CDH13: variants seen among roughly 807,000 people sequenced by gnomAD.
The protein encoded by CDH13 is cadherin 13.
In CDH13, 24 loss-of-function variants were observed where a neutral mutation model predicts 63.8. The ratio of observed to expected loss-of-function variants is 0.38; its 90% CI spans 0.27 to 0.53. The LOEUF (loss-of-function observed/expected upper bound fraction) is 0.53, where lower values mean the gene tolerates loss of function less well. Among genes scored for constraint, CDH13 ranks in the 20% least tolerant of loss-of-function variants. CDH13 has a pLI of 0.85. For synonymous variants in CDH13, 503 were observed against 355.3 expected (o/e 1.42, Z -4.67); for missense variants, 1,049 against 903.1 (o/e 1.16, Z -2.07).
intron 7 of CDH13, among the ~76,000 whole-genome samples, chr16:83,546,632 A>C (rs1249465040): frequency 6.6e-5 from 10 of 152,034 alleles, no homozygotes; most frequent in African/African-American, 2.4e-4. Context: ...TCTTTACTCA[A>C]ATTCACCTCC....
In CDH13 at chr16:83,583,291, A is replaced by G. The variant is rs546710103; in HGVS notation, c.961-19163A>G. Among the ~76,000 whole-genome samples the G allele has an allele frequency of 2.0e-5, 3 of 152,238 alleles. No individual in the cohort carries two copies. The East Asian group carries it at 5.8e-4, about 29-fold the overall frequency. ...GCAGAGACCCATTTTTCCAAATAAG[A>G]TCACATTCGCAGGTACTGGGGGTTA... On this transcript the variant is annotated intron_variant, in intron 7 of 13. Transcript: ENST00000567109.
rs1162311581 is a variant in CDH13, at chr16:83,346,971, T to G, written c.781+1965T>G. Among the ~76,000 whole-genome samples the G allele has an allele frequency of 3.3e-5, 5 of 152,342 alleles. No homozygotes were observed. In the East Asian group the frequency reaches 9.7e-4, roughly 29 times the overall value. On this transcript the variant is annotated intron_variant, in intron 6 of 13. Coordinates refer to ENST00000567109, the MANE Select transcript of CDH13 (RefSeq NM_001257.5). Reference sequence around the variant, plus strand: ...AGGTGTCTGTATGGATTCATTGTTTTCTTTCTCAGCACCCTCTGGGTTGGA... The same window carrying G: ...AGGTGTCTGTATGGATTCATTGTTTGCTTTCTCAGCACCCTCTGGGTTGGA...
chr16:83,094,117 A>C (rs969836804), intron 3 of CDH13, among the ~76,000 whole-genome samples: 1 of 152,206 alleles, frequency 6.6e-6, no homozygotes, highest in Non-Finnish European at 1.5e-5. Flanking sequence ...GTTGTAACAA[A>C]TAGTTACAAA....
At chr16:83,527,305 T>TGGG (rs1387246566) in intron 7 of CDH13, among the ~76,000 whole-genome samples, 3 of 151,498 alleles carry the variant, frequency 2.0e-5, no homozygotes, top group Non-Finnish European at 2.9e-5. Context: ...AAAAATTAGC[T>TGGG]GGGCATGGTG....
chr16:82,812,365 A>G (rs1338281421), intron 1 of CDH13, among the ~76,000 whole-genome samples: 4 of 152,154 alleles, frequency 2.6e-5, no homozygotes, highest in African/African-American at 4.8e-5. Flanking sequence ...GAAAAAAATG[A>G]GCGAGAAGAG....
At chr16:83,325,754 A>G (rs758911833) in intron 5 of CDH13, among the ~76,000 whole-genome samples, 1 of 152,116 alleles carries the variant, frequency 6.6e-6, no homozygotes, top group Non-Finnish European at 1.5e-5. Flanking sequence ...GATTCTTCTC[A>G]GGGAACAAAT....
At chr16:82,709,038 G>T (rs1453072468) in intron 1 of CDH13, among the ~76,000 whole-genome samples, 1 of 152,140 alleles carries the variant, frequency 6.6e-6, no homozygotes, top group Non-Finnish European at 1.5e-5. Flanking sequence ...CAGGCCCAAG[G>T]GTAAGAATCA....
At chr16:82,945,365 CA>C (rs1200383821) in intron 2 of CDH13, among the ~76,000 whole-genome samples, 4 of 152,160 alleles carry the variant, frequency 2.6e-5, no homozygotes, top group Admixed American at 2.6e-4. Context: ...GGTCAAGCCT[CA>C]GTGTAGGTCT....
At chr16:82,885,130 C>T (rs2040838342) in intron 2 of CDH13, among the ~76,000 whole-genome samples, 1 of 152,084 alleles carries the variant, frequency 6.6e-6, no homozygotes, top group Non-Finnish European at 1.5e-5. Context: ...TGCACTTTTG[C>T]AAGAGATGGA....
At position 82,874,083 on chromosome 16, in the gene CDH13, C is replaced by T. The variant is rs114588124; in HGVS notation, c.157+15610C>T. The stretch of plus-strand genomic sequence containing the variant: ...ACATTGTATTACACGATTCTACGAG[C>T]GGGGTCTCGGGCAGCTCCCTGTATT... On this transcript the variant is annotated intron_variant, in intron 2 of 13. Transcript: ENST00000567109. Among the ~76,000 whole-genome samples the T allele has an allele frequency of 5.8e-3, 884 of 152,016 alleles. 13 individuals are homozygous for T. The highest frequency in any genetic ancestry group is 0.019 in the African/African-American group (778 of 41,442).
At chr16:83,589,609 G>GA (rs1906536560) in intron 7 of CDH13, among the ~76,000 whole-genome samples, 1 of 151,974 alleles carries the variant, frequency 6.6e-6, no homozygotes, top group Admixed American at 6.6e-5. Context: ...GTGTGCCATA[G>GA]AAGATACGAG....
chr16:83,506,863 C>T (rs1453101247), intron 7 of CDH13, among the ~76,000 whole-genome samples: 1 of 152,198 alleles, frequency 6.6e-6, no homozygotes, highest in Non-Finnish European at 1.5e-5. Context: ...TGTGAGCCAC[C>T]TTGGAAGTAG....
chr16:83,425,913 C>T (rs1306256462), intron 6 of CDH13, among the ~76,000 whole-genome samples: 1 of 152,000 alleles, frequency 6.6e-6, no homozygotes, highest in Non-Finnish European at 1.5e-5. Flanking sequence ...CAGCATTGAA[C>T]CACCCCAATT....
chr16:83,489,783 T>A (rs1028007856), intron 7 of CDH13, among the ~76,000 whole-genome samples: 1 of 152,212 alleles, frequency 6.6e-6, no homozygotes, highest in Non-Finnish European at 1.5e-5. Flanking sequence ...AGTCTACTTC[T>A]CAGCCAGATG....
chr16:83,496,912 G>A (rs561331499), intron 7 of CDH13, among the ~76,000 whole-genome samples: 32 of 152,324 alleles, frequency 2.1e-4, no homozygotes, highest in East Asian at 1.2e-3. Flanking sequence ...ATGAAAAAAT[G>A]CTCATCATCA....
At chr16:83,330,041 T>C (rs1418738947) in intron 5 of CDH13, among the ~76,000 whole-genome samples, 1 of 152,212 alleles carries the variant, frequency 6.6e-6, no homozygotes, top group Admixed American at 6.5e-5. Flanking sequence ...TGGATGTATA[T>C]CCAGAAATGG....
chr16:83,536,617 A>G (rs1411068876), intron 7 of CDH13, among the ~76,000 whole-genome samples: 1 of 152,158 alleles, frequency 6.6e-6, no homozygotes, highest in Non-Finnish European at 1.5e-5. Flanking sequence ...GAAATCCTTA[A>G]AGTATATTAA....
At chr16:83,382,755 T>C (rs540626696) in intron 6 of CDH13, among the ~76,000 whole-genome samples, 1 of 152,328 alleles carries the variant, frequency 6.6e-6, no homozygotes, top group South Asian at 2.1e-4. Flanking sequence ...GCTGTCCTAG[T>C]GATGTCTCTT....
chr16:83,473,248 C>G (rs1174535187), intron 6 of CDH13, among the ~76,000 whole-genome samples: 5 of 152,230 alleles, frequency 3.3e-5, no homozygotes, highest in Admixed American at 2.6e-4. Context: ...AGGCAGCCGA[C>G]TTCCCAGCCA....
Sources: allele counts gnomAD v4.1 joint callset (sites outside exome capture counted in the v4.1 genomes callset), GRCh38; gene constraint gnomAD v4.1.1; transcripts MANE v1.5; gene names NCBI Gene and HGNC (gene_info 2026-07-23, HGNC 2026-07-21).